Variants in ZNF410 observed in about 807,000 individuals in gnomAD.
The protein encoded by ZNF410 is another partner for ARF 1.
Under a neutral mutation model 54.8 loss-of-function variants are expected in ZNF410, and 18 were observed. The ratio of observed to expected loss-of-function variants is 0.33; its 90% CI spans 0.23 to 0.49. The LOEUF is 0.49. ZNF410 is among the 20% of genes least tolerant of loss of function. The pLI is 0.99. For synonymous variants in ZNF410, 191 were observed against 207.3 expected, an observed-to-expected ratio of 0.92 and a Z score of 0.68; for missense variants, 405 against 569.6, an observed-to-expected ratio of 0.71 and a Z score of 2.94.
chr14:73,891,160 A>G (rs553367807), intron 1 of ZNF410, among the ~76,000 whole-genome samples: 33 of 152,290 alleles, frequency 2.2e-4, no homozygotes, highest in Non-Finnish European at 4.0e-4. Context: ...AATATTGGAA[A>G]ATTGAGAAAA....
Position 73,898,261 on chromosome 14 carries a change from T to C in ZNF410, c.579T>C (p.Asn193=), listed in dbSNP as rs1359794332. The C allele has an allele frequency of 2.5e-6, 4 of 1,614,066 alleles. No homozygotes were observed. In the Admixed American group the frequency reaches 5.0e-5, roughly 20 times the overall value. ...CAAAGAATGCAAAAACCAGCAGCAATGGTGAGGCCCGTCGGCATTTTCCTT... is the reference window on the plus strand; with the variant it reads ...CAAAGAATGCAAAAACCAGCAGCAACGGTGAGGCCCGTCGGCATTTTCCTT... ...QLAKNAKTSS[N]GENVHLGSGD... Residue 193 remains asparagine (N), a splice_region_variant and synonymous_variant, in exon 5 of 12, where the codon AAT becomes AAC. Transcript: ENST00000555044.
chr14:73,918,131 T>G (rs1355769167), intron 8 of ZNF410, among the ~76,000 whole-genome samples: 1 of 152,178 alleles, frequency 6.6e-6, no homozygotes, highest in Non-Finnish European at 1.5e-5. Context: ...TTTTTTTAGA[T>G]GGAGTCTCGC....
chr14:73,914,689 C>T (rs977975076), intron 8 of ZNF410: 9 of 136,734 alleles, frequency 6.6e-5, no homozygotes, highest in African/African-American at 1.1e-4. Flanking sequence ...AGTGCAATGG[C>T]GTAATCTGGG....
rs377030387 is a variant in ZNF410, at chr14:73,929,937, G to C, written c.1399-1566G>C. On this transcript the variant is annotated intron_variant, in intron 11 of 11. Transcript: ENST00000555044. ...GTGCCACATCTGAGAATTAGATGGA[G>C]GACTCATTGCACAGGCCCAACTGGG... Among the ~76,000 whole-genome samples, 24 of 152,234 alleles carry C rather than the reference G, an allele frequency of 1.6e-4. No homozygotes were observed. The East Asian group carries it at 2.5e-3, about 16-fold the overall frequency.
chr14:73,905,255 T>C (rs375677652), intron 7 of ZNF410, 172 bp downstream of exon 7: 1 of 680,418 alleles, frequency 1.5e-6, no homozygotes, highest in South Asian at 2.4e-5. Context: ...ATAACATTTA[T>C]TGTATTTTTA....
At chr14:73,889,037 A>G (rs1349859181) in intron 1 of ZNF410, among the ~76,000 whole-genome samples, 1 of 152,230 alleles carries the variant, frequency 6.6e-6, no homozygotes, top group East Asian at 1.9e-4. Context: ...ATAACATAAA[A>G]AGGACAGTAA....
At chr14:73,908,209 A>G (rs998415823) in intron 7 of ZNF410, among the ~76,000 whole-genome samples, 4 of 152,180 alleles carry the variant, frequency 2.6e-5, no homozygotes, top group African/African-American at 9.7e-5. Flanking sequence ...TCCCAGTGAA[A>G]TAACCATCCT....
chr14:73,931,776 C>G lies in ZNF410; in HGVS notation c.*235C>G. ...ATGACTGTGGGCTGGGAAACTGTACCTACCTCTCTTCCCACTGCAAATTTC... is the reference window on the plus strand; with the variant it reads ...ATGACTGTGGGCTGGGAAACTGTACGTACCTCTCTTCCCACTGCAAATTTC... On this transcript the variant is annotated 3_prime_UTR_variant, in exon 12 of 12. Coordinates refer to ENST00000555044, the MANE Select transcript of ZNF410 (RefSeq NM_021188.3). 1 of 530,894 alleles carries G rather than the reference C, an allele frequency of 1.9e-6. No individual in the cohort carries two copies. The highest frequency in any genetic ancestry group is 3.6e-5 in the East Asian group (1 of 27,938). 32.9% of individuals were successfully genotyped at this position (530,894 alleles called of 1,614,324 possible).
intron 1 of ZNF410, among the ~76,000 whole-genome samples, chr14:73,890,296 C>T (rs1209641147): frequency 6.6e-6 from 1 of 151,884 alleles, no homozygotes; most frequent in Non-Finnish European, 1.5e-5. Context: ...TCAAGCGATT[C>T]TCCTGCCACA....
rs767202086 is a variant in ZNF410 at position 73,893,862 on chromosome 14, T to C, written c.99T>C (p.Ala33=). The change falls in exon 3 of 12, where the codon GCT becomes GCC. Residue 33 remains alanine, a synonymous_variant. Coordinates refer to ENST00000555044, the MANE Select transcript of ZNF410 (RefSeq NM_021188.3). ...PLGQGLVESE[A]KDITCLSLLP... ...GACAGGGGCTTGTAGAATCAGAAGC[T>C]AAAGATATTACTTGCTTGTCCCTCC... 9.9e-6 allele frequency: 16 copies of C among 1,614,170 alleles called. No homozygotes were observed. Among genetic ancestry groups the C allele is most frequent in the African/African-American group, 1.3e-5 (1 of 75,054 alleles).
intron 10 of ZNF410, chr14:73,922,662 C>T (rs565210578): frequency 6.5e-6 from 1 of 153,308 alleles, no homozygotes; most frequent in South Asian, 2.1e-4. Context: ...ACCCAAGTTA[C>T]ACAGGCCAGG....
chr14:73,922,635 T>C (rs2055772731), intron 10 of ZNF410: 1 of 153,392 alleles, frequency 6.5e-6, no homozygotes, highest in African/African-American at 2.4e-5. Flanking sequence ...CTTGCTCCTC[T>C]CTGGTATAGA....
rs182236710 is a variant in ZNF410, at chr14:73,930,946, A to G, written c.1399-557A>G. On this transcript the variant is annotated intron_variant, in intron 11 of 11. Coordinates refer to ENST00000555044, the MANE Select transcript of ZNF410 (RefSeq NM_021188.3). ...AATGGAAGCCAATTTCATTATTTCA[A>G]AACTCCTTTGAATAGAGCCTTGTGT... Among the ~76,000 whole-genome samples, 40 of 152,274 alleles carry G rather than the reference A, an allele frequency of 2.6e-4. 1 individual carries two copies. The highest frequency in any genetic ancestry group is 1.7e-3 in the East Asian group (9 of 5,188).
chr14:73,912,682 T>C (rs1202023609), intron 8 of ZNF410, among the ~76,000 whole-genome samples: 2 of 152,244 alleles, frequency 1.3e-5, no homozygotes, highest in Admixed American at 1.3e-4. Flanking sequence ...GTAATTCTTT[T>C]AATTGTGAAT....
intron 5 of ZNF410, among the ~76,000 whole-genome samples, chr14:73,899,279 T>A (rs1306322519): frequency 6.6e-6 from 1 of 152,054 alleles, no homozygotes; most frequent in Non-Finnish European, 1.5e-5. Context: ...GTCTTTTTTT[T>A]TCCCTTTTTA....
At chr14:73,927,089 ATTTT>A (rs113156661) in intron 11 of ZNF410, 1 of 151,326 alleles carries the variant, frequency 6.6e-6, no homozygotes. Flanking sequence ...GTTTATTATG[ATTTT>A]TTTTTTTTTT....
rs774528448 is a variant in ZNF410 at position 73,909,335 on chromosome 14, C to T, written c.914-6C>T. 4 of 1,612,238 alleles carry T rather than the reference C, an allele frequency of 2.5e-6. No homozygotes were observed. The highest frequency in any genetic ancestry group is 2.2e-5 in the South Asian group (2 of 90,762). On this transcript the variant is annotated splice_region_variant and splice_polypyrimidine_tract_variant and intron_variant, in intron 7 of 11. Coordinates refer to ENST00000555044, the MANE Select transcript of ZNF410 (RefSeq NM_021188.3). Reference sequence around the variant, plus strand: ...ACTGAGTCTTTATCTCATTTTCTGTCTCTAGGAGAGAAACCTTTCCTTTGT... The same window carrying T: ...ACTGAGTCTTTATCTCATTTTCTGTTTCTAGGAGAGAAACCTTTCCTTTGT...
intron 10 of ZNF410, 105 bp from the exon 11 acceptor site, chr14:73,923,290 A>G (rs955687064): frequency 3.8e-5 from 48 of 1,268,942 alleles, no homozygotes; most frequent in Non-Finnish European, 4.7e-5. Context: ...GAATGTGGGA[A>G]ATAGAGGAAT....
chr14:73,892,278 G>C, intron 2 of ZNF410, 70 bp downstream of exon 2: 1 of 1,532,296 alleles, frequency 6.5e-7, no homozygotes, highest in Non-Finnish European at 8.8e-7. Context: ...CAGTTTAGGG[G>C]GTCAGCAAAC....
Sources: gnomAD v4.1 joint callset for allele counts (sites outside exome capture counted in the v4.1 genomes callset) on GRCh38, gnomAD v4.1.1 for gene constraint, MANE v1.5 for transcripts, NCBI Gene and HGNC (gene_info 2026-07-23, HGNC 2026-07-21) for gene names.